CELF2: variants seen among roughly 807,000 people sequenced by gnomAD.
The protein encoded by CELF2 is CUG triplet repeat RNA-binding protein 2.
Under a neutral mutation model 62.6 loss-of-function variants are expected in CELF2, and 8 were observed. The ratio of observed to expected loss-of-function variants is 0.13; its 90% CI spans 0.07 to 0.23. CELF2 has a LOEUF of 0.23. Among genes scored for constraint, CELF2 ranks in the 10% least tolerant of loss-of-function variants. The pLI is 1.00. For synonymous variants in CELF2, 258 were observed against 250.0 expected (o/e 1.03, Z -0.30); for missense variants, 333 against 671.0 (o/e 0.50, Z 5.56).
At chr10:10,717,364 G>A in the CELF2 span, among the ~76,000 whole-genome samples, 1 of 151,158 alleles carries the variant, frequency 6.6e-6, no homozygotes, top group South Asian at 2.1e-4. Flanking sequence ...GTCACCAAAG[G>A]CAATGAAACT....
chr10:11,172,952 C>T (rs1008395691), intron 2 of CELF2, among the ~76,000 whole-genome samples: 5 of 152,140 alleles, frequency 3.3e-5, no homozygotes, highest in African/African-American at 1.2e-4. Context: ...AAAGAAAACC[C>T]AGGGTTTCTA....
intron 4 of CELF2, among the ~76,000 whole-genome samples, chr10:11,250,820 T>A (rs2137390535): frequency 6.6e-6 from 1 of 152,356 alleles, no homozygotes; most frequent in African/African-American, 2.4e-5. Flanking sequence ...GTCTCTGTAA[T>A]GATAGAATGC....
chr10:10,584,899 C>A, the CELF2 span, among the ~76,000 whole-genome samples: 1 of 152,168 alleles, frequency 6.6e-6, no homozygotes, highest in Non-Finnish European at 1.5e-5. Flanking sequence ...TGGCTGGAGG[C>A]TACGATGTTG....
intron 2 of CELF2, among the ~76,000 whole-genome samples, chr10:10,921,045 C>T (rs543949524): frequency 8.6e-5 from 13 of 152,028 alleles, no homozygotes; most frequent in African/African-American, 2.9e-4. Context: ...ACTTCCACCT[C>T]CCAGGTTCAA....
chr10:10,473,214 T>C, the CELF2 span, among the ~76,000 whole-genome samples: 2 of 151,920 alleles, frequency 1.3e-5, no homozygotes, highest in Non-Finnish European at 2.9e-5. Flanking sequence ...GTTTTAAAGA[T>C]GATAGCCATG....
the CELF2 span, among the ~76,000 whole-genome samples, chr10:10,726,531 C>A: frequency 6.6e-6 from 1 of 152,166 alleles, no homozygotes; most frequent in Admixed American, 6.5e-5. Flanking sequence ...TTCTCTCTCC[C>A]GCTTTTAGAA....
At chr10:10,570,852 G>A in the CELF2 span, among the ~76,000 whole-genome samples, 2 of 152,076 alleles carry the variant, frequency 1.3e-5, no homozygotes, top group Non-Finnish European at 2.9e-5. Flanking sequence ...GCAGGAAATG[G>A]TGGGAAAACA....
chr10:10,566,567 C>A, the CELF2 span, among the ~76,000 whole-genome samples: 2 of 132,020 alleles, frequency 1.5e-5, no homozygotes, highest in East Asian at 2.4e-4. Context: ...ATCCCTCCCC[C>A]CTCCCCCGAC....
chr10:10,714,439 C>G, the CELF2 span, among the ~76,000 whole-genome samples: 1 of 152,112 alleles, frequency 6.6e-6, no homozygotes, highest in Non-Finnish European at 1.5e-5. Flanking sequence ...AATTAGGGAG[C>G]TCTGCCGGCT....
At chr10:10,620,268 C>T in the CELF2 span, among the ~76,000 whole-genome samples, 4 of 152,102 alleles carry the variant, frequency 2.6e-5, no homozygotes, top group South Asian at 4.2e-4. Context: ...TGTGGTGGCT[C>T]ATGCCTGGAA....
chr10:10,759,495 A>C, the CELF2 span, among the ~76,000 whole-genome samples: 1 of 151,682 alleles, frequency 6.6e-6, no homozygotes, highest in African/African-American at 2.4e-5. Flanking sequence ...TTTTTAGTAG[A>C]GACAGGGTTT....
the CELF2 span, among the ~76,000 whole-genome samples, chr10:10,665,862 A>G: frequency 4.6e-5 from 7 of 152,344 alleles, no homozygotes; most frequent in East Asian, 1.4e-3. Flanking sequence ...GAAATATTCT[A>G]CAAAAACTAC....
chr10:10,705,498 G>T, the CELF2 span, among the ~76,000 whole-genome samples: 1 of 152,124 alleles, frequency 6.6e-6, no homozygotes, highest in Non-Finnish European at 1.5e-5. Flanking sequence ...GGGAGAGAGA[G>T]GGAGTGGTGG....
chr10:11,065,752 A>T (rs189911151), intron 1 of CELF2, among the ~76,000 whole-genome samples: 1 of 152,322 alleles, frequency 6.6e-6, no homozygotes, highest in African/African-American at 2.4e-5. Flanking sequence ...GATGCTATAA[A>T]TAAAACAACT....
chr10:11,058,179 TA>T, intron 1 of CELF2, among the ~76,000 whole-genome samples: 1 of 151,992 alleles, frequency 6.6e-6, no homozygotes, highest in Non-Finnish European at 1.5e-5. Flanking sequence ...CAAGTAGGCA[TA>T]AAATACTAAA....
chr10:10,927,712 A>T (rs1286895153), intron 2 of CELF2, among the ~76,000 whole-genome samples: 1 of 152,132 alleles, frequency 6.6e-6, no homozygotes, highest in Non-Finnish European at 1.5e-5. Context: ...TACAGGCGTG[A>T]GGTACCATGC....
In CELF2 at chr10:11,269,116, C is replaced by T. The variant is rs902267565; in HGVS notation, c.619-1550C>T. Among the ~76,000 whole-genome samples the T allele has an allele frequency of 1.3e-5, 2 of 152,252 alleles. No individual in the cohort carries two copies. The highest frequency in any genetic ancestry group is 2.9e-5 in the Non-Finnish European group (2 of 68,020). On this transcript the variant is annotated intron_variant, in intron 6 of 12. Transcript: ENST00000633077. This position sits in a 1 kb window ranked among gnomAD's most constrained non-coding sequence, Gnocchi z 4.4. Reference sequence around the variant, plus strand: ...AATGACAACCCTTTTCCATGCAAAACCCCCTCTCTACATAATCTTCAAAGT... The same window carrying T: ...AATGACAACCCTTTTCCATGCAAAATCCCCTCTCTACATAATCTTCAAAGT...
chr10:10,517,274 C>A, the CELF2 span, among the ~76,000 whole-genome samples: 1 of 152,060 alleles, frequency 6.6e-6, no homozygotes, highest in Non-Finnish European at 1.5e-5. Context: ...GGGAACTGGC[C>A]TGAAGTGGTA....
At chr10:10,575,503 T>A in the CELF2 span, among the ~76,000 whole-genome samples, 2 of 152,354 alleles carry the variant, frequency 1.3e-5, no homozygotes, top group Non-Finnish European at 2.9e-5. Flanking sequence ...GTGTGTTTTA[T>A]GCAACATGTC....
Sources: allele counts gnomAD v4.1 joint callset (sites outside exome capture counted in the v4.1 genomes callset), GRCh38; gene constraint gnomAD v4.1.1; non-coding constraint Gnocchi (gnomAD v3.1); transcripts MANE v1.5; gene names NCBI Gene and HGNC (gene_info 2026-07-23, HGNC 2026-07-21).